LHFPL6: variants seen among roughly 807,000 people sequenced by gnomAD.
The protein encoded by LHFPL6 is LHFPL tetraspan subfamily member 6.
A neutral mutation model predicts 20.6 loss-of-function variants in LHFPL6; 9 were observed. The ratio of observed to expected loss-of-function variants is 0.44; its 90% CI spans 0.26 to 0.76. The LOEUF (loss-of-function observed/expected upper bound fraction) is 0.76, where lower values mean the gene tolerates loss of function less well. LHFPL6 is among the 30% of genes least tolerant of loss of function. LHFPL6 has a pLI of 0.20. For missense variants in LHFPL6, 218 were observed against 253.5 expected (o/e 0.86, Z 0.95); for synonymous variants, 105 against 98.7 (o/e 1.06, Z -0.38).
At chr13:39,352,776 A>T (rs112525249) in intron 3 of LHFPL6, among the ~76,000 whole-genome samples, 6,338 of 148,154 alleles carry the variant, frequency 0.043, 156 homozygotes, top group Non-Finnish European at 0.05. Flanking sequence ...TGTATTAATA[A>T]TGAAGGCAGG....
intron 2 of LHFPL6, among the ~76,000 whole-genome samples, chr13:39,596,959 A>C (rs1872789201): frequency 6.6e-6 from 1 of 152,204 alleles, no homozygotes; most frequent in African/African-American, 2.4e-5. Context: ...GGAACTCTAC[A>C]GTAAGGAGAC....
chr13:39,409,386 G>A (rs9576796), intron 2 of LHFPL6, among the ~76,000 whole-genome samples: 41,726 of 151,908 alleles, frequency 0.27, 6,061 homozygotes, highest in East Asian at 0.4. Flanking sequence ...CCTGGGAGGT[G>A]GAGGTTGCAG....
At chr13:39,413,397 T>C (rs1444598888) in intron 2 of LHFPL6, among the ~76,000 whole-genome samples, 1 of 151,524 alleles carries the variant, frequency 6.6e-6, no homozygotes, top group African/African-American at 2.4e-5. Context: ...TCGTAAATTA[T>C]GTTCTTATTT....
chr13:39,436,181 T>C (rs896532244), intron 2 of LHFPL6, among the ~76,000 whole-genome samples: 2 of 151,988 alleles, frequency 1.3e-5, no homozygotes, highest in African/African-American at 4.8e-5. Flanking sequence ...ACCAGTAATA[T>C]AAGAAAATTT....
intron 2 of LHFPL6, among the ~76,000 whole-genome samples, chr13:39,490,695 G>A (rs1000859019): frequency 1.6e-4 from 25 of 152,146 alleles, no homozygotes; most frequent in African/African-American, 5.6e-4. Context: ...CAATAACATC[G>A]CAAAGTCTAA....
At chr13:39,539,470 T>C (rs1040711897) in intron 2 of LHFPL6, among the ~76,000 whole-genome samples, 5 of 152,198 alleles carry the variant, frequency 3.3e-5, no homozygotes, top group African/African-American at 9.7e-5. Context: ...AAGTGGACGA[T>C]TGGGCCCTTC....
chr13:39,458,327 CAG>C lies in LHFPL6; in HGVS notation c.386-79803_386-79802del, dbSNP rs575947603. Reference sequence around the variant, plus strand: ...CTAAGAAAAGAGGTTACGGGAAAAACAGGGGAAGAACTGAGCAATACAAATGG... The same window carrying C: ...CTAAGAAAAGAGGTTACGGGAAAAACGGGAAGAACTGAGCAATACAAATGG... On this transcript the variant is annotated intron_variant, in intron 2 of 3. Coordinates refer to ENST00000379589, the MANE Select transcript of LHFPL6 (RefSeq NM_005780.3). Among the ~76,000 whole-genome samples, 28 of 152,126 alleles carry C rather than the reference CAG, an allele frequency of 1.8e-4. No homozygotes were observed. In the East Asian group the frequency reaches 4.8e-3, roughly 26 times the overall value.
In LHFPL6 at chr13:39,343,566, A is replaced by C. The variant is rs922647553; in HGVS notation, c.*370T>G. On this transcript the variant is annotated 3_prime_UTR_variant, in exon 4 of 4. Coordinates refer to ENST00000379589, the MANE Select transcript of LHFPL6 (RefSeq NM_005780.3). Reference sequence around the variant, plus strand: ...TGAGTCCTCACCTTAAAAAAAAAAAACTAAAACCCAAACCCTTGTTTGTAT... The same window carrying C: ...TGAGTCCTCACCTTAAAAAAAAAAACCTAAAACCCAAACCCTTGTTTGTAT... The C allele has an allele frequency of 1.7e-5, 4 of 233,162 alleles. No homozygotes were observed. The highest frequency in any genetic ancestry group is 1.7e-4 in the Admixed American group (3 of 17,582). The allele number at this position is 233,162 out of a possible 1,614,324, so 14.4% of individuals were successfully genotyped here.
intron 2 of LHFPL6, among the ~76,000 whole-genome samples, chr13:39,495,299 G>A (rs993961192): frequency 6.6e-6 from 1 of 152,048 alleles, no homozygotes; most frequent in Non-Finnish European, 1.5e-5. Context: ...TCTTTATTAG[G>A]CTATATTTGC....
intron 2 of LHFPL6, among the ~76,000 whole-genome samples, chr13:39,435,145 T>G (rs1454867674): frequency 6.7e-6 from 1 of 149,914 alleles, no homozygotes; most frequent in Non-Finnish European, 1.5e-5. Context: ...ATGAGAAATA[T>G]GCACATAGAA....
chr13:39,370,689 G>A (rs1038405510), intron 3 of LHFPL6, among the ~76,000 whole-genome samples: 2 of 152,152 alleles, frequency 1.3e-5, no homozygotes, highest in East Asian at 3.9e-4. Flanking sequence ...GGCACACAAC[G>A]CAGATGCCTG....
chr13:39,362,766 A>G (rs74765815), intron 3 of LHFPL6, among the ~76,000 whole-genome samples: 7,282 of 152,292 alleles, frequency 0.048, 291 homozygotes, highest in South Asian at 0.17. Flanking sequence ...ATTCCTGCCA[A>G]CCATACCCAA....
At chr13:39,478,773 A>ACTGC (rs1868395031) in intron 2 of LHFPL6, among the ~76,000 whole-genome samples, 1 of 151,998 alleles carries the variant, frequency 6.6e-6, no homozygotes, top group South Asian at 2.1e-4. Context: ...TTTTCCTGTA[A>ACTGC]CTGCCTGGGA....
intron 2 of LHFPL6, among the ~76,000 whole-genome samples, chr13:39,585,759 G>C (rs1002641608): frequency 5.3e-5 from 8 of 152,094 alleles, no homozygotes; most frequent in African/African-American, 1.9e-4. Flanking sequence ...AGCCTCCTTT[G>C]GTTCTGAGGG....
chr13:39,581,238 C>T (rs1013330024), intron 2 of LHFPL6, among the ~76,000 whole-genome samples: 3 of 152,128 alleles, frequency 2.0e-5, no homozygotes, highest in African/African-American at 7.2e-5. Flanking sequence ...CCAGATCTGC[C>T]TCATCTGGAC....
At chr13:39,516,623 G>T (rs192298423) in intron 2 of LHFPL6, among the ~76,000 whole-genome samples, 1 of 152,340 alleles carries the variant, frequency 6.6e-6, no homozygotes, top group East Asian at 1.9e-4. Context: ...AATATATAAT[G>T]CAGGAATCAA....
chr13:39,574,575 A>C (rs1872050961), intron 2 of LHFPL6, among the ~76,000 whole-genome samples: 1 of 152,000 alleles, frequency 6.6e-6, no homozygotes, highest in South Asian at 2.1e-4. Flanking sequence ...ACTATTCATT[A>C]ATTGATTATT....
In LHFPL6 at chr13:39,430,577, A is replaced by T. The variant is rs559017652; in HGVS notation, c.386-52051T>A. On this transcript the variant is annotated intron_variant, in intron 2 of 3. Coordinates refer to ENST00000379589, the MANE Select transcript of LHFPL6 (RefSeq NM_005780.3). ...CATGCTGACATTGAGAGGTGAAGCC[A>T]GCTAGACTTCCTGGGTTGAGTGGGG... Among the ~76,000 whole-genome samples, 7 of 152,368 alleles carry T rather than the reference A, an allele frequency of 4.6e-5. No homozygotes were observed. In the South Asian group the frequency reaches 1.4e-3, roughly 32 times the overall value.
chr13:39,561,569 C>A (rs1334851371), intron 2 of LHFPL6, among the ~76,000 whole-genome samples: 2 of 152,100 alleles, frequency 1.3e-5, no homozygotes, highest in Non-Finnish European at 1.5e-5. Context: ...CTCAAGTGAT[C>A]CTCCTGCCTC....
Sources: gnomAD v4.1 joint callset for allele counts (sites outside exome capture counted in the v4.1 genomes callset) on GRCh38, gnomAD v4.1.1 for gene constraint, MANE v1.5 for transcripts, NCBI Gene and HGNC (gene_info 2026-07-23, HGNC 2026-07-21) for gene names.